The following FHIT variants were observed in gnomAD, a reference collection of about 807,000 sequenced individuals.
FHIT encodes the protein bis(5'-adenosyl)-triphosphatase.
A neutral mutation model predicts 17.9 loss-of-function variants in FHIT; 19 were observed. That is an observed-to-expected ratio of 1.06 (90% confidence interval 0.74 to 1.56). The LOEUF is 1.56. Among genes scored for constraint, FHIT ranks in the 40% most tolerant of loss-of-function variants. The probability of loss-of-function intolerance (pLI) is 0.00; values close to 1 mark genes in which losing one functional copy is unlikely to be tolerated. For missense variants in FHIT, 248 were observed against 189.2 expected, an observed-to-expected ratio of 1.31 and a Z score of -1.82; for synonymous variants, 81 against 69.7, an observed-to-expected ratio of 1.16 and a Z score of -0.81.
chr3:60,766,082 G>T (rs1699843878), intron 4 of FHIT, among the ~76,000 whole-genome samples: 1 of 152,062 alleles, frequency 6.6e-6, no homozygotes, highest in Non-Finnish European at 1.5e-5. Context: ...CCTATCCTGG[G>T]ACTTTGCCTT....
chr3:60,334,090 T>A (rs570956969), intron 5 of FHIT, among the ~76,000 whole-genome samples: 61 of 152,332 alleles, frequency 4.0e-4, no homozygotes, highest in African/African-American at 1.4e-3. Context: ...GCAATACTTG[T>A]TGTCTCAGTG....
intron 5 of FHIT, among the ~76,000 whole-genome samples, chr3:60,082,012 G>A (rs1703306715): frequency 6.6e-6 from 1 of 151,972 alleles, no homozygotes; most frequent in Non-Finnish European, 1.5e-5. Context: ...GCACATGTGG[G>A]TTTGTTCCAT....
At chr3:60,177,529 C>T (rs1366476675) in intron 5 of FHIT, among the ~76,000 whole-genome samples, 2 of 152,118 alleles carry the variant, frequency 1.3e-5, no homozygotes, top group African/African-American at 2.4e-5. Flanking sequence ...TAGGTCAAAA[C>T]AGAAGAGGCT....
chr3:61,181,833 G>C (rs28537075), intron 2 of FHIT, among the ~76,000 whole-genome samples: 1,834 of 152,214 alleles, frequency 0.012, 39 homozygotes, highest in African/African-American at 0.042. Flanking sequence ...TTCAGGAATA[G>C]ATTCTAGTAT....
Position 60,058,085 on chromosome 3 carries a change from T to C in FHIT, c.104-43933A>G, listed in dbSNP as rs111342458. Among the ~76,000 whole-genome samples, 605 of 148,390 alleles carry C rather than the reference T, an allele frequency of 4.1e-3. 6 individuals are homozygous for C. Among genetic ancestry groups the C allele is most frequent in the African/African-American group, 0.014 (574 of 40,338 alleles). ...ACCAGGGGCTGGGGGAGGGAGAAAG[T>C]AGTCCGGGGAATAGGGAGTTATTGT... On this transcript the variant is annotated intron_variant, in intron 5 of 9. Coordinates refer to ENST00000492590, the MANE Select transcript of FHIT (RefSeq NM_002012.4).
At chr3:60,906,168 G>C (rs1330458701) in intron 3 of FHIT, among the ~76,000 whole-genome samples, 1 of 152,146 alleles carries the variant, frequency 6.6e-6, no homozygotes, top group Non-Finnish European at 1.5e-5. Context: ...AAAAAAAGAA[G>C]TCCAAATAAA....
At chr3:60,793,728 C>A (rs556992166) in intron 4 of FHIT, among the ~76,000 whole-genome samples, 1 of 152,288 alleles carries the variant, frequency 6.6e-6, no homozygotes, top group East Asian at 1.9e-4. Flanking sequence ...CTCTGAGGGA[C>A]GTTTTCCCAC....
intron 5 of FHIT, among the ~76,000 whole-genome samples, chr3:60,377,776 C>T (rs553295273): frequency 2.4e-4 from 37 of 151,940 alleles, no homozygotes; most frequent in African/African-American, 4.1e-4. Flanking sequence ...CCACCGCGCC[C>T]GGCCCAGCCA....
chr3:60,497,196 G>T (rs769897411), intron 5 of FHIT, among the ~76,000 whole-genome samples: 14 of 151,994 alleles, frequency 9.2e-5, no homozygotes, highest in Non-Finnish European at 1.9e-4. Context: ...GCCCCCACAA[G>T]AAAGTAGTTA....
At chr3:60,975,786 A>G (rs902789881) in intron 3 of FHIT, among the ~76,000 whole-genome samples, 1 of 152,228 alleles carries the variant, frequency 6.6e-6, no homozygotes, top group African/African-American at 2.4e-5. Flanking sequence ...TCTATTCTAT[A>G]TAATTTCACT....
intron 5 of FHIT, among the ~76,000 whole-genome samples, chr3:60,033,230 G>A (rs1284258083): frequency 6.6e-6 from 1 of 152,140 alleles, no homozygotes; most frequent in Non-Finnish European, 1.5e-5. Context: ...AGGTGCAGTG[G>A]CTCATGCCTG....
intron 5 of FHIT, among the ~76,000 whole-genome samples, chr3:60,368,458 T>C (rs911535330): frequency 6.6e-6 from 1 of 152,030 alleles, no homozygotes; most frequent in African/African-American, 2.4e-5. Context: ...ATTTATTTCT[T>C]TGGGCACTCT....
At position 60,007,268 on chromosome 3, in the gene FHIT, A is replaced by T. The variant is rs145941162; in HGVS notation, c.279+4103T>A. Among the ~76,000 whole-genome samples the T allele has an allele frequency of 6.0e-4, 92 of 152,296 alleles. No homozygotes were observed. In the East Asian group the frequency reaches 0.016, roughly 27 times the overall value. On this transcript the variant is annotated intron_variant, in intron 7 of 9. Transcript: ENST00000492590. Reference sequence around the variant, plus strand: ...AAATGAATATTGCCTTAATGGTTAGATTAGATGGAATTACATTTTGGAACA... The same window carrying T: ...AAATGAATATTGCCTTAATGGTTAGTTTAGATGGAATTACATTTTGGAACA...
At chr3:60,873,672 A>G (rs2107082543) in intron 3 of FHIT, among the ~76,000 whole-genome samples, 1 of 152,286 alleles carries the variant, frequency 6.6e-6, no homozygotes, top group South Asian at 2.1e-4. Context: ...TCCACAGGAG[A>G]CTGAGAAAGC....
chr3:60,242,480 C>A (rs143107448), intron 5 of FHIT, among the ~76,000 whole-genome samples: 1 of 152,018 alleles, frequency 6.6e-6, no homozygotes, highest in Non-Finnish European at 1.5e-5. Flanking sequence ...GTTTGCTTCT[C>A]CCCAATCCAC....
intron 5 of FHIT, among the ~76,000 whole-genome samples, chr3:60,406,578 G>A (rs1328283295): frequency 6.7e-6 from 1 of 149,452 alleles, no homozygotes; most frequent in Non-Finnish European, 1.5e-5. Flanking sequence ...TGTGGATCAA[G>A]TTAATCATTT....
chr3:60,452,627 T>C (rs540550484), intron 5 of FHIT, among the ~76,000 whole-genome samples: 18 of 152,308 alleles, frequency 1.2e-4, no homozygotes, highest in Middle Eastern at 3.4e-3. Flanking sequence ...TGCAGCTTGC[T>C]TGAAAAGTGC....
At chr3:61,055,928 C>A (rs901177419) in intron 2 of FHIT, among the ~76,000 whole-genome samples, 1 of 152,132 alleles carries the variant, frequency 6.6e-6, no homozygotes, top group African/African-American at 2.4e-5. Flanking sequence ...ATAATCACAT[C>A]AGGGTACGGT....
At chr3:60,499,595 G>A (rs1003050343) in intron 5 of FHIT, among the ~76,000 whole-genome samples, 1 of 152,110 alleles carries the variant, frequency 6.6e-6, no homozygotes, top group Non-Finnish European at 1.5e-5. Flanking sequence ...GTTTCACCGT[G>A]GCCTTGATCT....
Sources: gnomAD v4.1 joint callset for allele counts (sites outside exome capture counted in the v4.1 genomes callset) on GRCh38, gnomAD v4.1.1 for gene constraint, MANE v1.5 for transcripts, NCBI Gene and HGNC (gene_info 2026-07-23, HGNC 2026-07-21) for gene names.